PTPRD: variants seen among roughly 807,000 people sequenced by gnomAD.
PTPRD encodes the protein protein tyrosine phosphatase receptor type D.
PTPRD carries 34 observed loss-of-function variants against 214.5 expected under a neutral mutation model. That is an observed-to-expected ratio of 0.16 (90% confidence interval 0.12 to 0.21). The LOEUF is 0.21. Ranked by LOEUF, PTPRD falls within the 10% of genes least tolerant of loss-of-function variation. PTPRD has a pLI of 1.00. For synonymous variants in PTPRD, 1,128 were observed against 845.7 expected (o/e 1.33, Z -5.79); for missense variants, 2,545 against 2,398.7 (o/e 1.06, Z -1.27).
chr9:8,618,774 G>A (rs561004467), intron 14 of PTPRD, among the ~76,000 whole-genome samples: 15 of 151,872 alleles, frequency 9.9e-5, no homozygotes, highest in African/African-American at 1.4e-4. Context: ...TTGACTCACT[G>A]TAACTTCCAC....
chr9:8,650,578 CAT>C (rs2096788367), intron 12 of PTPRD, among the ~76,000 whole-genome samples: 1 of 139,780 alleles, frequency 7.2e-6, no homozygotes, highest in Admixed American at 7.0e-5. Context: ...CAACGGGAAA[CAT>C]AAAAGGCAAA....
At chr9:8,417,418 A>G (rs996661010) in intron 35 of PTPRD, among the ~76,000 whole-genome samples, 1 of 152,178 alleles carries the variant, frequency 6.6e-6, no homozygotes, top group African/African-American at 2.4e-5. Flanking sequence ...GTAGAGCTGT[A>G]TTGGCAGAAA....
chr9:8,849,089 G>A (rs896121313), intron 11 of PTPRD, among the ~76,000 whole-genome samples: 2 of 151,600 alleles, frequency 1.3e-5, no homozygotes, highest in African/African-American at 4.8e-5. Context: ...CCTATCTCAG[G>A]GTCCTGAGCA....
intron 3 of PTPRD, among the ~76,000 whole-genome samples, chr9:10,220,340 T>C (rs1212051978): frequency 6.6e-6 from 1 of 151,934 alleles, no homozygotes; most frequent in South Asian, 2.1e-4. Flanking sequence ...TAGAAACTAT[T>C]TGGTGAAATT....
At chr9:9,214,470 T>C (rs1014129600) in intron 9 of PTPRD, among the ~76,000 whole-genome samples, 12 of 148,774 alleles carry the variant, frequency 8.1e-5, no homozygotes, top group Non-Finnish European at 1.6e-4. Context: ...GTTAAAGCAG[T>C]TAAGGGAGGA....
chr9:9,945,070 T>A (rs1476083039), intron 4 of PTPRD, among the ~76,000 whole-genome samples: 1 of 152,150 alleles, frequency 6.6e-6, no homozygotes, highest in African/African-American at 2.4e-5. Context: ...TGATGTGGTA[T>A]GTTAAAAGAA....
chr9:9,189,388 C>T (rs965717355), intron 9 of PTPRD, among the ~76,000 whole-genome samples: 1 of 151,958 alleles, frequency 6.6e-6, no homozygotes, highest in Non-Finnish European at 1.5e-5. Context: ...GCCTTTTAAT[C>T]CGGAAGACTC....
intron 39 of PTPRD, among the ~76,000 whole-genome samples, chr9:8,353,817 AATATATGTATATATGT>A (rs200865664): frequency 0.043 from 4,190 of 98,366 alleles, 483 homozygotes; most frequent in African/African-American, 0.23. Flanking sequence ...CTCAAAAAAA[AATATATGTATATATGT>A]ATATATGTAT....
At chr9:10,508,310 G>C (rs887249520) in intron 2 of PTPRD, among the ~76,000 whole-genome samples, 1 of 152,272 alleles carries the variant, frequency 6.6e-6, no homozygotes, top group South Asian at 2.1e-4. Context: ...GTGCTGGAGA[G>C]GATGTGGAGA....
At chr9:9,338,999 G>T (rs2045703369) in intron 9 of PTPRD, among the ~76,000 whole-genome samples, 1 of 152,116 alleles carries the variant, frequency 6.6e-6, no homozygotes, top group South Asian at 2.1e-4. Flanking sequence ...ATGACATATT[G>T]TGCTGAAGAA....
At chr9:8,668,349 T>C (rs906141365) in intron 12 of PTPRD, among the ~76,000 whole-genome samples, 2 of 152,220 alleles carry the variant, frequency 1.3e-5, no homozygotes, top group South Asian at 4.1e-4. Context: ...GAATATTCAA[T>C]TTGCAAACTC....
chr9:8,399,080 G>C (rs1308657244), intron 36 of PTPRD, among the ~76,000 whole-genome samples: 1 of 136,796 alleles, frequency 7.3e-6, no homozygotes, highest in Non-Finnish European at 1.6e-5. Flanking sequence ...ATCCTATTTA[G>C]AATAAGCCCA....
intron 3 of PTPRD, among the ~76,000 whole-genome samples, chr9:10,036,235 C>T (rs1173937786): frequency 1.3e-5 from 2 of 152,030 alleles, no homozygotes; most frequent in African/African-American, 4.8e-5. Context: ...CTTTCTCAGG[C>T]CTATTTTAAT....
Position 9,575,737 on chromosome 9 carries a change from A to G in PTPRD, c.-286-956T>C, listed in dbSNP as rs1233860865. 8.5e-5 allele frequency among the ~76,000 whole-genome samples: 12 copies of G among 140,792 alleles called. 1 individual carries two copies. The highest frequency in any genetic ancestry group is 1.4e-4 in the African/African-American group (5 of 36,014). The allele number at this position is 140,792 out of a possible 152,430, so 92.4% of individuals were successfully genotyped here. A position where few individuals can be genotyped will look rare whatever the true frequency, so the allele number is the denominator to read the frequency against. The stretch of plus-strand genomic sequence containing the variant: ...TGTCTCAAAAAAAAAAAAAAAAAAA[A>G]AAAAAAAAAGAAAGAAAGAAAAAGA... On this transcript the variant is annotated intron_variant, in intron 7 of 45. Transcript: ENST00000381196.
At chr9:8,331,138 AT>A (rs1478617704) in intron 44 of PTPRD, among the ~76,000 whole-genome samples, 1 of 152,074 alleles carries the variant, frequency 6.6e-6, no homozygotes, top group African/African-American at 2.4e-5. Flanking sequence ...CTGAGGTACC[AT>A]ACTAAGCACT....
chr9:9,595,413 T>C (rs952493534), intron 7 of PTPRD, among the ~76,000 whole-genome samples: 1 of 146,586 alleles, frequency 6.8e-6, no homozygotes, highest in African/African-American at 2.6e-5. Flanking sequence ...TACATATATA[T>C]ACAAATGTAC....
intron 11 of PTPRD, among the ~76,000 whole-genome samples, chr9:8,848,479 G>C (rs1452623418): frequency 6.7e-6 from 1 of 148,248 alleles, no homozygotes; most frequent in African/African-American, 2.5e-5. Context: ...GAGACCACAA[G>C]TGCACACCAC....
intron 5 of PTPRD, among the ~76,000 whole-genome samples, chr9:9,795,789 A>G (rs1313650676): frequency 6.6e-6 from 1 of 152,160 alleles, no homozygotes; most frequent in African/African-American, 2.4e-5. Context: ...ATCATGTCTT[A>G]CCACATCTGA....
At chr9:8,735,051 A>G (rs1292906138) in intron 11 of PTPRD, among the ~76,000 whole-genome samples, 1 of 152,050 alleles carries the variant, frequency 6.6e-6, no homozygotes, top group African/African-American at 2.4e-5. Context: ...GCCTTCTTAG[A>G]ACAGATGCGT....
Sources: allele counts gnomAD v4.1 joint callset (sites outside exome capture counted in the v4.1 genomes callset), GRCh38; gene constraint gnomAD v4.1.1; transcripts MANE v1.5; gene names NCBI Gene and HGNC (gene_info 2026-07-23, HGNC 2026-07-21).